Variants in AGFG1 observed in about 807,000 individuals in gnomAD.
The protein encoded by AGFG1 is ArfGAP with FG repeats 1.
AGFG1 carries 10 observed loss-of-function variants against 60.6 expected under a neutral mutation model. The ratio of observed to expected loss-of-function variants is 0.16; its 90% CI spans 0.10 to 0.28. The LOEUF (loss-of-function observed/expected upper bound fraction) is 0.28. Among genes scored for constraint, AGFG1 ranks in the 10% least tolerant of loss-of-function variants. AGFG1 has a pLI of 1.00. For missense variants in AGFG1, 537 were observed against 676.5 expected, an observed-to-expected ratio of 0.79 and a Z score of 2.29; for synonymous variants, 247 against 242.9, an observed-to-expected ratio of 1.02 and a Z score of -0.16.
At chr2:227,532,529 C>T (rs991249172) in intron 6 of AGFG1, among the ~76,000 whole-genome samples, 1 of 152,044 alleles carries the variant, frequency 6.6e-6, no homozygotes, top group African/African-American at 2.4e-5. Flanking sequence ...ATTGAAACCA[C>T]CATGATTTAA....
chr2:227,524,666 C>A, intron 4 of AGFG1, 96 bp from the exon 5 acceptor site: 1 of 1,266,990 alleles, frequency 7.9e-7, no homozygotes. Context: ...TGTAACTCTT[C>A]GTATGTATAA....
At chr2:227,529,806 A>G (rs1004549678) in intron 5 of AGFG1, among the ~76,000 whole-genome samples, 1 of 151,964 alleles carries the variant, frequency 6.6e-6, no homozygotes, top group Admixed American at 6.6e-5. Flanking sequence ...TTAAAGAACT[A>G]TGGTGCCCTT....
At chr2:227,503,539 C>A (rs901034331) in intron 2 of AGFG1, among the ~76,000 whole-genome samples, 1 of 152,168 alleles carries the variant, frequency 6.6e-6, no homozygotes, top group Non-Finnish European at 1.5e-5. Flanking sequence ...GGAGACCAAG[C>A]TGGATTTTCT....
In AGFG1 at chr2:227,472,325, G is replaced by GGCGGCC; in HGVS notation, c.-90_-85dup. On this transcript the variant is annotated 5_prime_UTR_variant, in exon 1 of 13. Transcript: ENST00000310078. ...CGGGCGGCGCGCGCAGACGGAGGGC[G>GGCGGCC]GCGGCCGCGGCCAGGGCGGCCCGTG... 1.2e-6 allele frequency: 1 copy of GGCGGCC among 812,158 alleles called. No homozygotes were observed. Among genetic ancestry groups the GGCGGCC allele is most frequent in the Non-Finnish European group, 1.5e-6 (1 of 673,792 alleles). The allele number at this position is 812,158 out of a possible 1,614,324, so 50.3% of individuals were successfully genotyped here. A position where few individuals can be genotyped will look rare whatever the true frequency, so the allele number is the denominator to read the frequency against.
rs764673226 is a variant in AGFG1, at chr2:227,503,239, T to TA, written c.261+11615dup. Reference sequence around the variant, plus strand: ...CAACAAAGTGAGAAGTTGTCTCAATTAAAAAAAAAAAAAAAAGAAATGACC... The same window carrying TA: ...CAACAAAGTGAGAAGTTGTCTCAATTAAAAAAAAAAAAAAAAAGAAATGACC... On this transcript the variant is annotated intron_variant, in intron 2 of 12. Transcript: ENST00000310078. 2.7e-3 allele frequency among the ~76,000 whole-genome samples: 363 copies of TA among 133,650 alleles called. 1 individual carries two copies. Among genetic ancestry groups the TA allele is most frequent in the African/African-American group, 5.8e-3 (211 of 36,606 alleles). The allele number at this position is 133,650 out of a possible 152,430, so 87.7% of individuals were successfully genotyped here.
intron 8 of AGFG1, among the ~76,000 whole-genome samples, 186 bp from the exon 9 acceptor site, chr2:227,536,439 A>G (rs1455827765): frequency 1.3e-5 from 2 of 152,062 alleles, no homozygotes; most frequent in African/African-American, 4.8e-5. Context: ...TTTTATGATG[A>G]TTCTTAATGA....
intron 6 of AGFG1, 144 bp downstream of exon 6, chr2:227,531,354 C>A: frequency 1.0e-6 from 1 of 962,934 alleles, no homozygotes; most frequent in Non-Finnish European, 1.5e-6. Context: ...CTGGGGAAAC[C>A]TGAACTCTTT....
chr2:227,552,038 T>C lies in AGFG1; in HGVS notation c.1458T>C (p.Phe486=), dbSNP rs760919431. The C allele has an allele frequency of 3.1e-6, 5 of 1,614,216 alleles. No individual in the cohort carries two copies. The Admixed American group carries it at 8.3e-5, about 27-fold the overall frequency. ...CTCCCTACAGTCTTCCCACCAGCTT[T>C]AGTGGCAGCTTTCAGCAGCCTGCCT... ...TPAPYSLPTS[F]SGSFQQPAFP... is the part of the protein sequence containing the mutation. The change falls in exon 11 of 13, where the codon TTT becomes TTC. Residue 486 remains phenylalanine, a synonymous_variant. Transcript: ENST00000310078.
chr2:227,550,036 G>T (rs1335639641), intron 10 of AGFG1: 2 of 435,206 alleles, frequency 4.6e-6, no homozygotes, highest in Admixed American at 5.6e-5. Context: ...ATTGACGTTG[G>T]TCTCTTTATG....
chr2:227,551,489 G>A (rs879404359), intron 10 of AGFG1, among the ~76,000 whole-genome samples: 4 of 152,022 alleles, frequency 2.6e-5, no homozygotes, highest in East Asian at 3.8e-4. Flanking sequence ...TCTTTTTAGC[G>A]AACTATTCTT....
intron 10 of AGFG1, among the ~76,000 whole-genome samples, chr2:227,546,262 A>G (rs1465285305): frequency 6.6e-6 from 1 of 152,230 alleles, no homozygotes; most frequent in Admixed American, 6.5e-5. Context: ...GCAGTGAGCA[A>G]GGCTCCATGG....
At chr2:227,527,407 G>A (rs1692030918) in intron 5 of AGFG1, among the ~76,000 whole-genome samples, 1 of 152,064 alleles carries the variant, frequency 6.6e-6, no homozygotes, top group Non-Finnish European at 1.5e-5. Context: ...ATGTTTACAT[G>A]CATTTAAGAA....
intron 3 of AGFG1, 40 bp downstream of exon 3, chr2:227,520,103 A>T (rs1180759385): frequency 8.2e-7 from 1 of 1,223,464 alleles, no homozygotes; most frequent in African/African-American, 1.6e-5. Context: ...GCCTCCCCAA[A>T]TCACATATTA....
intron 1 of AGFG1, among the ~76,000 whole-genome samples, chr2:227,486,080 G>T (rs566664679): frequency 5.3e-5 from 8 of 152,154 alleles, no homozygotes; most frequent in Admixed American, 2.0e-4. Context: ...TAACCTGAAG[G>T]TATTTTATTT....
At chr2:227,504,147 A>C (rs1192394933) in intron 2 of AGFG1, among the ~76,000 whole-genome samples, 4 of 149,680 alleles carry the variant, frequency 2.7e-5, no homozygotes, top group African/African-American at 9.8e-5. Flanking sequence ...CAGACTGGAG[A>C]GGTGGAGGGG....
At chr2:227,552,809 C>T (rs1479864076) in intron 11 of AGFG1, among the ~76,000 whole-genome samples, 2 of 151,206 alleles carry the variant, frequency 1.3e-5, no homozygotes, top group African/African-American at 2.4e-5. Flanking sequence ...CAGGACCAGC[C>T]TGACCAACAT....
chr2:227,524,711 G>A (rs1350239753), intron 4 of AGFG1, 51 bp from the exon 5 acceptor site: 1 of 1,593,926 alleles, frequency 6.3e-7, no homozygotes, highest in East Asian at 2.2e-5. Context: ...TTTGTATAAA[G>A]ATTTTGCAGA....
chr2:227,475,478 G>A (rs1329424751), intron 1 of AGFG1, among the ~76,000 whole-genome samples: 1 of 152,190 alleles, frequency 6.6e-6, no homozygotes, highest in Admixed American at 6.5e-5. Context: ...ACTGCAGAAC[G>A]TTGGAGGGAC....
chr2:227,553,205 A>G (rs1022935987), intron 11 of AGFG1, among the ~76,000 whole-genome samples: 1 of 151,956 alleles, frequency 6.6e-6, no homozygotes, highest in Admixed American at 6.5e-5. Context: ...GAGCTGAATG[A>G]AAGTTCTCTT....
Sources: gnomAD v4.1 joint callset for allele counts (sites outside exome capture counted in the v4.1 genomes callset) on GRCh38, gnomAD v4.1.1 for gene constraint, MANE v1.5 for transcripts, NCBI Gene and HGNC (gene_info 2026-07-23, HGNC 2026-07-21) for gene names.